Variants in PHYHIPL observed in about 807,000 individuals in gnomAD.
The protein encoded by PHYHIPL is phytanoyl-CoA 2-hydroxylase interacting protein like, also known as phytanoyl-CoA hydroxylase-interacting protein-like.
PHYHIPL carries 9 observed loss-of-function variants against 33.4 expected under a neutral mutation model. That is an observed-to-expected ratio of 0.27 (90% CI 0.16 to 0.47). PHYHIPL has a LOEUF of 0.47. Ranked by LOEUF, PHYHIPL falls within the 20% of genes least tolerant of loss-of-function variation. The pLI, the probability that PHYHIPL is intolerant of heterozygous loss-of-function variation, is 0.99. For synonymous variants in PHYHIPL, 153 were observed against 154.1 expected, an observed-to-expected ratio of 0.99 and a Z score of 0.05; for missense variants, 365 against 460.7, an observed-to-expected ratio of 0.79 and a Z score of 1.90.
chr10:59,212,487 G>A lies in PHYHIPL; in HGVS notation c.107-21817G>A, dbSNP rs892167582. On this transcript the variant is annotated intron_variant, in intron 1 of 4. Transcript: ENST00000373880. ...GCCCAGTCTCAGGCAATCCCAGCAG[G>A]CATACTTCAACCACTCCTAGGTGGA... 2.6e-5 allele frequency among the ~76,000 whole-genome samples: 4 copies of A among 152,238 alleles called. No individual in the cohort carries two copies. The South Asian group carries it at 8.3e-4, about 32-fold the overall frequency.
chr10:59,179,457 A>G (rs1247061856), intron 1 of PHYHIPL, among the ~76,000 whole-genome samples: 5 of 152,086 alleles, frequency 3.3e-5, no homozygotes, highest in African/African-American at 1.2e-4. Context: ...CTCTTTTCTC[A>G]CTTTCTTTTA....
chr10:59,247,596 C>T lies in PHYHIPL; in HGVS notation c.*2005C>T. 3.7e-6 allele frequency: 6 copies of T among 1,612,966 alleles called. No homozygotes were observed. The highest frequency in any genetic ancestry group is 5.1e-6 in the Non-Finnish European group (6 of 1,179,458). On this transcript the variant is annotated 3_prime_UTR_variant, in exon 5 of 5. Transcript: ENST00000373880. ...ACTTTATATCATGGGTGAAAGTGAT[C>T]ATAACATTTCCTGAACCTCAAATAG... is the stretch of plus-strand genomic sequence containing the variant.
chr10:59,215,476 C>T (rs974768172), intron 1 of PHYHIPL, among the ~76,000 whole-genome samples: 1 of 151,892 alleles, frequency 6.6e-6, no homozygotes, highest in Non-Finnish European at 1.5e-5. Context: ...TAGACTGGTT[C>T]CTTTACTTAA....
intron 1 of PHYHIPL, among the ~76,000 whole-genome samples, chr10:59,198,884 C>A (rs1301681053): frequency 6.6e-6 from 1 of 152,072 alleles, no homozygotes; most frequent in Non-Finnish European, 1.5e-5. Flanking sequence ...TATCCTTTGC[C>A]CACTTTTTGA....
At chr10:59,236,349 C>T (rs1479804382) in intron 2 of PHYHIPL, 134 bp from the exon 3 acceptor site, 2 of 467,798 alleles carry the variant, frequency 4.3e-6, no homozygotes, top group Middle Eastern at 3.7e-4. Flanking sequence ...TTCCTTCCCT[C>T]CCTCCTTCCC....
intron 1 of PHYHIPL, among the ~76,000 whole-genome samples, chr10:59,183,082 G>A (rs184499768): frequency 1.3e-3 from 204 of 151,512 alleles, no homozygotes; most frequent in Non-Finnish European, 2.6e-3. Context: ...ATACTGCTTT[G>A]TCATTATTGT....
chr10:59,179,827 A>G lies in PHYHIPL; in HGVS notation c.106+2868A>G, dbSNP rs1415029941. Reference sequence around the variant, plus strand: ...ACATGGTCATATAATTGGCTTTTCAATTAAGCAAGACAGTTACACACACAC... The same window carrying G: ...ACATGGTCATATAATTGGCTTTTCAGTTAAGCAAGACAGTTACACACACAC... On this transcript the variant is annotated intron_variant, in intron 1 of 4. Transcript: ENST00000373880. Among the ~76,000 whole-genome samples the G allele has an allele frequency of 7.5e-5, 11 of 146,814 alleles. No individual in the cohort carries two copies. The East Asian group carries it at 1.8e-3, about 24-fold the overall frequency.
chr10:59,241,298 G>C (rs1402225880), intron 4 of PHYHIPL, among the ~76,000 whole-genome samples: 2 of 151,880 alleles, frequency 1.3e-5, no homozygotes, highest in East Asian at 3.9e-4. Context: ...ACTTTCCAAA[G>C]TTTATAATCC....
intron 1 of PHYHIPL, among the ~76,000 whole-genome samples, chr10:59,233,500 G>T (rs1840137509): frequency 1.3e-5 from 2 of 151,636 alleles, no homozygotes; most frequent in Admixed American, 1.3e-4. Context: ...AAAAAATGGG[G>T]TAAAATTTGA....
intron 4 of PHYHIPL, among the ~76,000 whole-genome samples, chr10:59,243,657 A>AAAC (rs1237146479): frequency 6.6e-6 from 1 of 152,126 alleles, no homozygotes; most frequent in Non-Finnish European, 1.5e-5. Flanking sequence ...ACTGACCCAT[A>AAAC]AACTCTTTAA....
rs919682378 is a variant in PHYHIPL at position 59,225,271 on chromosome 10, TTCC to T, written c.107-9021_107-9019del. On this transcript the variant is annotated intron_variant, in intron 1 of 4. Transcript: ENST00000373880. ...TGGAATCCCATTGTAAAAGTTTGTA[TTCC>T]TCCTCCTCCTCAGAAAATCACACAG... is the stretch of plus-strand genomic sequence containing the variant. Among the ~76,000 whole-genome samples the T allele has an allele frequency of 2.4e-4, 37 of 151,186 alleles. 1 individual carries two copies. Among genetic ancestry groups the T allele is most frequent in the Admixed American group, 6.6e-5 (1 of 15,060 alleles).
intron 4 of PHYHIPL, among the ~76,000 whole-genome samples, chr10:59,239,344 G>A (rs2393532): frequency 0.22 from 32,678 of 151,810 alleles, 4,767 homozygotes; most frequent in African/African-American, 0.41. Context: ...GCTTGTGCAC[G>A]GAAACTCCCC....
At chr10:59,208,949 G>C (rs1384969128) in intron 1 of PHYHIPL, among the ~76,000 whole-genome samples, 1 of 152,168 alleles carries the variant, frequency 6.6e-6, no homozygotes, top group Admixed American at 6.5e-5. Flanking sequence ...ACCTACATTT[G>C]ATTGGTGTAC....
rs185273475 is a variant in PHYHIPL at position 59,181,815 on chromosome 10, C to G, written c.106+4856C>G. Among the ~76,000 whole-genome samples, 10 of 143,930 alleles carry G rather than the reference C, an allele frequency of 6.9e-5. No homozygotes were observed. The East Asian group carries it at 1.4e-3, about 20-fold the overall frequency. The allele number at this position is 143,930 out of a possible 152,430, so 94.4% of individuals were successfully genotyped here. A position where few individuals can be genotyped will look rare whatever the true frequency, so the allele number is the denominator to read the frequency against. ...GTTCTAATTCATTCCCAGGGAAGAC[C>G]AGGAAGTTACTAGAGCAAGTTACAT... On this transcript the variant is annotated intron_variant, in intron 1 of 4. Transcript: ENST00000373880.
At chr10:59,184,540 A>AGT (rs1838510096) in intron 1 of PHYHIPL, among the ~76,000 whole-genome samples, 1 of 152,128 alleles carries the variant, frequency 6.6e-6, no homozygotes, top group African/African-American at 2.4e-5. Flanking sequence ...GTTATCAGGC[A>AGT]GTAAGTTAGT....
intron 1 of PHYHIPL, among the ~76,000 whole-genome samples, chr10:59,203,084 A>G (rs1839173164): frequency 6.6e-6 from 1 of 152,134 alleles, no homozygotes; most frequent in Admixed American, 6.5e-5. Context: ...AAATCAAACA[A>G]CCCCATCAGA....
At chr10:59,241,928 G>A (rs1840410130) in intron 4 of PHYHIPL, among the ~76,000 whole-genome samples, 1 of 152,102 alleles carries the variant, frequency 6.6e-6, no homozygotes, top group Admixed American at 6.6e-5. Flanking sequence ...TTTACCCACA[G>A]GATTGGGAAA....
At chr10:59,201,209 C>G (rs1243225337) in intron 1 of PHYHIPL, among the ~76,000 whole-genome samples, 1 of 152,116 alleles carries the variant, frequency 6.6e-6, no homozygotes, top group Non-Finnish European at 1.5e-5. Flanking sequence ...CTATAAATTT[C>G]CCTCTACACA....
At chr10:59,179,072 G>T (rs1212266015) in intron 1 of PHYHIPL, among the ~76,000 whole-genome samples, 1 of 152,118 alleles carries the variant, frequency 6.6e-6, no homozygotes, top group African/African-American at 2.4e-5. Context: ...GTTGTTAAAT[G>T]CTTAACTTAT....
Sources: allele counts gnomAD v4.1 joint callset (sites outside exome capture counted in the v4.1 genomes callset), GRCh38; gene constraint gnomAD v4.1.1; transcripts MANE v1.5; gene names NCBI Gene and HGNC (gene_info 2026-07-23, HGNC 2026-07-21).